The following PURG variants were observed in gnomAD, a reference collection of about 807,000 sequenced individuals.
The protein encoded by PURG is purine-rich element-binding protein gamma.
A neutral mutation model predicts 24.3 loss-of-function variants in PURG; 3 were observed. That is an observed-to-expected ratio of 0.12 (90% CI 0.06 to 0.32). PURG has a LOEUF of 0.32. Ranked by LOEUF, PURG falls within the 10% of genes least tolerant of loss-of-function variation. The pLI, the probability that PURG is intolerant of heterozygous loss-of-function variation, is 1.00. For synonymous variants in PURG, 180 were observed against 173.1 expected, an observed-to-expected ratio of 1.04 and a Z score of -0.31; for missense variants, 371 against 439.1, an observed-to-expected ratio of 0.84 and a Z score of 1.39.
At chr8:31,009,395 T>C (rs531501943) in intron 1 of PURG, among the ~76,000 whole-genome samples, 72 of 152,160 alleles carry the variant, frequency 4.7e-4, no homozygotes, top group African/African-American at 1.4e-3. Context: ...CACTGCACTC[T>C]AGCCTGGGTG....
intron 1 of PURG, among the ~76,000 whole-genome samples, chr8:31,020,382 C>A (rs1362965690): frequency 6.6e-6 from 1 of 152,118 alleles, no homozygotes; most frequent in Non-Finnish European, 1.5e-5. Flanking sequence ...ATTCCAAGGT[C>A]TTTTAAGTCC....
At chr8:31,021,498 C>G (rs1810987457) in intron 1 of PURG, among the ~76,000 whole-genome samples, 1 of 152,118 alleles carries the variant, frequency 6.6e-6, no homozygotes, top group African/African-American at 2.4e-5. Context: ...CAATGGAATC[C>G]TCATATAAGC....
intron 1 of PURG, among the ~76,000 whole-genome samples, chr8:31,016,934 A>G (rs757681275): frequency 8.5e-5 from 13 of 152,212 alleles, no homozygotes; most frequent in Non-Finnish European, 1.8e-4. Context: ...CTAGTTTCTC[A>G]GAGGCATAGT....
chr8:31,012,752 C>T (rs1810787839), intron 1 of PURG, among the ~76,000 whole-genome samples: 2 of 152,190 alleles, frequency 1.3e-5, no homozygotes, highest in Non-Finnish European at 2.9e-5. Context: ...AGGCATAGAG[C>T]CAAGGCTTCT....
At chr8:31,009,777 T>C (rs1462589738) in intron 1 of PURG, among the ~76,000 whole-genome samples, 1 of 152,214 alleles carries the variant, frequency 6.6e-6, no homozygotes, top group East Asian at 1.9e-4. Flanking sequence ...TGAAGAACAG[T>C]GGGTTCTTGA....
At chr8:31,030,510 C>T (rs1811172787), downstream of PURG, among the ~76,000 whole-genome samples, 1 of 151,902 alleles carries the variant, frequency 6.6e-6, no homozygotes, top group African/African-American at 2.4e-5. Flanking sequence ...ATTTTTAATA[C>T]AGGTAAATGG....
rs1811276241 is a variant in PURG, at chr8:31,032,910, C to A, written c.-6-122G>T. On this transcript the variant is annotated intron_variant, in intron 1 of 1. Coordinates refer to ENST00000523392, the MANE Select transcript of PURG (RefSeq NM_001323311.2). This position sits in a 1 kb window ranked among gnomAD's most constrained non-coding sequence, Gnocchi z 5.9. ...GACCCCCACGCCGGGCCCGGCTCCC[C>A]CGGCGCCGCAGCGCGGGGCTCCAGC... 1.4e-6 allele frequency: 1 copy of A among 705,382 alleles called. No individual in the cohort carries two copies. Among genetic ancestry groups the A allele is most frequent in the Non-Finnish European group, 1.9e-6 (1 of 529,810 alleles). 43.7% of individuals were successfully genotyped at this position (705,382 alleles called of 1,614,324 possible).
At chr8:31,005,885 A>T (rs1342049847) in intron 1 of PURG, among the ~76,000 whole-genome samples, 1 of 151,658 alleles carries the variant, frequency 6.6e-6, no homozygotes, top group Non-Finnish European at 1.5e-5. Context: ...GTTTTATATC[A>T]GGGGCTACTA....
intron 1 of PURG, among the ~76,000 whole-genome samples, chr8:31,021,174 G>C (rs1257190456): frequency 2.0e-5 from 3 of 152,142 alleles, no homozygotes; most frequent in Non-Finnish European, 4.4e-5. Flanking sequence ...ACATCAATAA[G>C]ATGGCAGGAA....
intron 1 of PURG, among the ~76,000 whole-genome samples, chr8:31,019,942 G>A (rs183752721): frequency 1.5e-3 from 225 of 151,324 alleles, no homozygotes; most frequent in Admixed American, 6.4e-3. Context: ...AGGCCAAGGC[G>A]GGTGGATCAC....
chr8:31,005,585 A>T (rs558009036), intron 1 of PURG, among the ~76,000 whole-genome samples: 1 of 152,114 alleles, frequency 6.6e-6, no homozygotes, highest in African/African-American at 2.4e-5. Context: ...TTGACTGAGG[A>T]GGGGTACATG....
At chr8:31,025,736 G>A (rs1380660883) in intron 1 of PURG, among the ~76,000 whole-genome samples, 2 of 151,286 alleles carry the variant, frequency 1.3e-5, no homozygotes, top group Non-Finnish European at 3.0e-5. Context: ...ATGATTTTTG[G>A]GGACGGGTGC....
At chr8:31,005,859 T>A (rs1159153051) in intron 1 of PURG, among the ~76,000 whole-genome samples, 3 of 151,424 alleles carry the variant, frequency 2.0e-5, no homozygotes, top group Non-Finnish European at 4.4e-5. Flanking sequence ...TGACTAATTA[T>A]CTATGGAGGA....
In PURG at chr8:31,031,944, G is replaced by C. The variant is rs1351798837; in HGVS notation, c.839C>G (p.Ser280Cys). 1 of 1,614,126 alleles carries C rather than the reference G, an allele frequency of 6.2e-7. No individual in the cohort carries two copies. The highest frequency in any genetic ancestry group is 1.7e-5 in the Admixed American group (1 of 60,020). ...CTTCAGGAAAATTCCATATTTATTAGAGCCCACATCAAAGTAGAACCTTTT... is the reference window on the plus strand; with the variant it reads ...CTTCAGGAAAATTCCATATTTATTACAGCCCACATCAAAGTAGAACCTTTT... ...DNKRFYFDVGSNKYGIFLKVS... is the reference protein window; with the variant it reads ...DNKRFYFDVGCNKYGIFLKVS... Residue 280 changes from serine to cysteine, a missense_variant, in exon 2 of 2, where the codon TCT (serine) becomes TGT (cysteine). Physicochemically the swap from Ser to Cys is moderately radical, Grantham distance 112. Coordinates refer to ENST00000523392, the MANE Select transcript of PURG (RefSeq NM_001323311.2).
chr8:31,021,030 A>G (rs1440430934), intron 1 of PURG, among the ~76,000 whole-genome samples: 6 of 152,252 alleles, frequency 3.9e-5, no homozygotes, highest in Non-Finnish European at 7.4e-5. Context: ...AGTAATGGGG[A>G]AAAATATGTA....
At chr8:31,028,013 TA>T (rs1811122040), downstream of PURG, among the ~76,000 whole-genome samples, 1 of 151,756 alleles carries the variant, frequency 6.6e-6, no homozygotes, top group Non-Finnish European at 1.5e-5. Flanking sequence ...AATTTGAGTA[TA>T]ATATTATGTA....
intron 1 of PURG, among the ~76,000 whole-genome samples, chr8:31,010,264 T>C (rs1810739135): frequency 6.6e-6 from 1 of 152,162 alleles, no homozygotes; most frequent in South Asian, 2.1e-4. Flanking sequence ...TGACAAGACT[T>C]GGGTTAACAG....
intron 1 of PURG, among the ~76,000 whole-genome samples, chr8:31,018,017 T>C (rs1230987129): frequency 6.6e-6 from 1 of 152,202 alleles, no homozygotes; most frequent in Non-Finnish European, 1.5e-5. Flanking sequence ...TATTCCTTCA[T>C]ATTTTTGAAA....
intron 1 of PURG, among the ~76,000 whole-genome samples, chr8:31,023,425 G>T (rs1382878359): frequency 6.6e-6 from 1 of 152,028 alleles, no homozygotes; most frequent in Non-Finnish European, 1.5e-5. Context: ...GGAGAAACAT[G>T]TCACTCTTTT....
Sources: gnomAD v4.1 joint callset for allele counts (sites outside exome capture counted in the v4.1 genomes callset) on GRCh38, gnomAD v4.1.1 for gene constraint, Gnocchi (gnomAD v3.1) non-coding constraint, MANE v1.5 for transcripts, NCBI Gene and HGNC (gene_info 2026-07-23, HGNC 2026-07-21) for gene names.